The following EPB41L4A variants were observed in gnomAD, a reference collection of about 807,000 sequenced individuals.
The protein encoded by EPB41L4A is erythrocyte membrane protein band 4.1 like 4A, also known as band 4.1-like protein 4A.
Under a neutral mutation model 108.6 loss-of-function variants are expected in EPB41L4A, and 100 were observed. That is an observed-to-expected ratio of 0.92 (90% CI 0.78 to 1.09). The LOEUF (loss-of-function observed/expected upper bound fraction) is 1.09, where lower values mean the gene tolerates loss of function less well. Ranked by LOEUF, EPB41L4A falls within the 50% of genes least tolerant of loss-of-function variation. The pLI is 0.00. For synonymous variants in EPB41L4A, 319 were observed against 289.0 expected (o/e 1.10, Z -1.05); for missense variants, 1,030 against 842.7 (o/e 1.22, Z -2.75).
At chr5:112,217,311 A>G (rs1007147907) in intron 12 of EPB41L4A, among the ~76,000 whole-genome samples, 4 of 152,252 alleles carry the variant, frequency 2.6e-5, no homozygotes, top group Non-Finnish European at 4.4e-5. Flanking sequence ...ATATTAAAAC[A>G]TAATTTGGAA....
At chr5:112,193,703 GAT>G (rs1761820564) in intron 17 of EPB41L4A, among the ~76,000 whole-genome samples, 1 of 152,226 alleles carries the variant, frequency 6.6e-6, no homozygotes, top group African/African-American at 2.4e-5. Context: ...TGGCACTACT[GAT>G]ATGTTTTTGT....
At chr5:112,275,881 A>G (rs1006635789) in intron 3 of EPB41L4A, among the ~76,000 whole-genome samples, 1 of 152,198 alleles carries the variant, frequency 6.6e-6, no homozygotes, top group Non-Finnish European at 1.5e-5. Context: ...GCAAATGTTT[A>G]AACAGACAGA....
intron 1 of EPB41L4A, among the ~76,000 whole-genome samples, chr5:112,396,098 G>A (rs548521925): frequency 2.9e-4 from 44 of 152,190 alleles, no homozygotes; most frequent in African/African-American, 8.2e-4. Context: ...GGGGCCTGTC[G>A]TGGGGTTGGG....
intron 12 of EPB41L4A, among the ~76,000 whole-genome samples, chr5:112,227,947 C>T (rs1748589106): frequency 6.6e-6 from 1 of 152,206 alleles, no homozygotes; most frequent in Non-Finnish European, 1.5e-5. Flanking sequence ...CTGTGTGGCA[C>T]CATCATCCCC....
At position 112,239,599 on chromosome 5, in the gene EPB41L4A, G is replaced by A. The variant is rs1749623001; in HGVS notation, c.965+61C>T. ...ATAAATAACTTCACTGAGCATGTAT[G>A]ACAGCTGAATTAAGTATTTATTTAC... On this transcript the variant is annotated intron_variant, in intron 11 of 22. Transcript: ENST00000261486. 8 of 1,052,702 alleles carry A rather than the reference G, an allele frequency of 7.6e-6. No homozygotes were observed. The South Asian group carries it at 1.2e-4, about 15-fold the overall frequency. The allele number at this position is 1,052,702 out of a possible 1,614,324, so 65.2% of individuals were successfully genotyped here.
chr5:112,233,374 TG>T (rs1480031605), intron 12 of EPB41L4A, among the ~76,000 whole-genome samples: 3 of 152,226 alleles, frequency 2.0e-5, no homozygotes, highest in African/African-American at 7.2e-5. Context: ...GTGGCACTTT[TG>T]GGATGCAGGC....
intron 1 of EPB41L4A, among the ~76,000 whole-genome samples, chr5:112,364,580 T>C (rs1161198382): frequency 6.6e-6 from 1 of 152,198 alleles, no homozygotes; most frequent in Admixed American, 6.5e-5. Context: ...GGCTTTCTTA[T>C]TTCATGAGTG....
At chr5:112,260,875 T>A (rs1751443907) in intron 7 of EPB41L4A, among the ~76,000 whole-genome samples, 1 of 152,204 alleles carries the variant, frequency 6.6e-6, no homozygotes, top group African/African-American at 2.4e-5. Flanking sequence ...ATGCCCACTT[T>A]CAGTTCTTAA....
chr5:112,220,836 C>T (rs1418832093), intron 12 of EPB41L4A, among the ~76,000 whole-genome samples: 1 of 152,078 alleles, frequency 6.6e-6, no homozygotes, highest in African/African-American at 2.4e-5. Context: ...CCTGCTTTAC[C>T]CAGAGGGAGG....
intron 12 of EPB41L4A, among the ~76,000 whole-genome samples, chr5:112,220,986 C>T (rs1748004437): frequency 6.6e-6 from 1 of 152,162 alleles, no homozygotes; most frequent in Non-Finnish European, 1.5e-5. Context: ...ACACATATCT[C>T]ATTTCTTTGG....
chr5:112,302,401 T>A (rs1220148654), intron 2 of EPB41L4A, among the ~76,000 whole-genome samples: 1 of 152,100 alleles, frequency 6.6e-6, no homozygotes, highest in South Asian at 2.1e-4. Flanking sequence ...AAGAGCAGAT[T>A]TGGAGGGGAA....
intron 1 of EPB41L4A, among the ~76,000 whole-genome samples, chr5:112,315,642 A>C (rs1264622714): frequency 6.6e-6 from 1 of 152,202 alleles, no homozygotes; most frequent in Non-Finnish European, 1.5e-5. Context: ...CAATAGACTC[A>C]ATATATTCTA....
At position 112,163,097 on chromosome 5, in the gene EPB41L4A, A is replaced by G. The variant is rs1208483410; in HGVS notation, c.*1893T>C. 3 of 152,240 alleles carry G rather than the reference A, an allele frequency of 2.0e-5. No homozygotes were observed. The highest frequency in any genetic ancestry group is 7.2e-5 in the African/African-American group (3 of 41,462). The allele number at this position is 152,240 out of a possible 1,614,324, so 9.4% of individuals were successfully genotyped here. A position where few individuals can be genotyped will look rare whatever the true frequency, so the allele number is the denominator to read the frequency against. ...CAAGATAAATCCATGGTGGAAAATC[A>G]GATTTGCAAGAAAAGGTAGTTGAAC... is the stretch of plus-strand genomic sequence containing the variant. On this transcript the variant is annotated 3_prime_UTR_variant, in exon 23 of 23. Transcript: ENST00000261486.
chr5:112,353,996 G>A (rs1327276041), intron 1 of EPB41L4A, among the ~76,000 whole-genome samples: 1 of 152,178 alleles, frequency 6.6e-6, no homozygotes, highest in Non-Finnish European at 1.5e-5. Flanking sequence ...CCAGACACAG[G>A]CAACTTTGAA....
intron 8 of EPB41L4A, 78 bp downstream of exon 8, chr5:112,259,799 ACCTGTTTTCTTTTC>A: frequency 1.1e-6 from 1 of 883,258 alleles, no homozygotes; most frequent in Non-Finnish European, 1.9e-6. Context: ...CTGGAAATAT[ACCTGTTTTCTTTTC>A]CCCAACTCTT....
intron 1 of EPB41L4A, among the ~76,000 whole-genome samples, chr5:112,385,380 C>G (rs1480947936): frequency 6.6e-6 from 1 of 151,950 alleles, no homozygotes; most frequent in Non-Finnish European, 1.5e-5. Flanking sequence ...AATCCCAGAG[C>G]TGGTAACAAG....
At chr5:112,260,067 A>G in intron 7 of EPB41L4A, 88 bp from the exon 8 acceptor site, 2 of 959,854 alleles carry the variant, frequency 2.1e-6, no homozygotes, top group South Asian at 2.9e-5. Context: ...ATAATTTGTT[A>G]CATTAATATT....
In EPB41L4A at chr5:112,164,143, A is replaced by T. The variant is rs1332310416; in HGVS notation, c.*847T>A. The T allele has an allele frequency of 2.0e-5, 3 of 152,240 alleles. No individual in the cohort carries two copies. In the South Asian group the frequency reaches 6.2e-4, roughly 32 times the overall value. The allele number at this position is 152,240 out of a possible 1,614,324, so 9.4% of individuals were successfully genotyped here. A position where few individuals can be genotyped will look rare whatever the true frequency, so the allele number is the denominator to read the frequency against. The stretch of plus-strand genomic sequence containing the variant: ...ACTGAGATCCACTTACACTTCTGAA[A>T]ACGCAAGAACACTTTAGAAATTAAC... On this transcript the variant is annotated 3_prime_UTR_variant, in exon 23 of 23. Coordinates refer to ENST00000261486, the MANE Select transcript of EPB41L4A (RefSeq NM_022140.5).
chr5:112,193,714 G>A (rs1447782640), intron 17 of EPB41L4A, among the ~76,000 whole-genome samples: 2 of 152,364 alleles, frequency 1.3e-5, no homozygotes, highest in East Asian at 3.9e-4. Context: ...ATATGTTTTT[G>A]TACTAGGTAC....
Sources: allele counts gnomAD v4.1 joint callset (sites outside exome capture counted in the v4.1 genomes callset), GRCh38; gene constraint gnomAD v4.1.1; transcripts MANE v1.5; gene names NCBI Gene and HGNC (gene_info 2026-07-23, HGNC 2026-07-21).